HERC2: variants seen among roughly 807,000 people sequenced by gnomAD.
The protein encoded by HERC2 is HECT and RLD domain containing E3 ubiquitin protein ligase 2.
Under a neutral mutation model 537.7 loss-of-function variants are expected in HERC2, and 102 were observed. That is an observed-to-expected ratio of 0.19 (90% CI 0.16 to 0.22). The LOEUF is 0.22. HERC2 is among the 10% of genes least tolerant of loss of function. The pLI, the probability that HERC2 is intolerant of heterozygous loss-of-function variation, is 1.00. For synonymous variants in HERC2, 2,224 were observed against 2,466.2 expected (o/e 0.90, Z 2.91); for missense variants, 4,236 against 6,198.2 (o/e 0.68, Z 10.63).
chr15:28,227,055 A>T lies in HERC2; in HGVS notation c.5464+1163T>A, dbSNP rs536112822. 2.6e-5 allele frequency among the ~76,000 whole-genome samples: 4 copies of T among 152,338 alleles called. No homozygotes were observed. In the East Asian group the frequency reaches 7.7e-4, roughly 29 times the overall value. ...TTTGGGAGGCCAAGGCAGGCAGATCACCTGAGGTCAGGAGTTCCAGACCAG... is the reference window on the plus strand; with the variant it reads ...TTTGGGAGGCCAAGGCAGGCAGATCTCCTGAGGTCAGGAGTTCCAGACCAG... On this transcript the variant is annotated intron_variant, in intron 35 of 92. Coordinates refer to ENST00000261609, the MANE Select transcript of HERC2 (RefSeq NM_004667.6).
intron 37 of HERC2, among the ~76,000 whole-genome samples, chr15:28,219,639 C>T (rs1198376840): frequency 4.6e-5 from 7 of 152,268 alleles, no homozygotes; most frequent in Non-Finnish European, 8.8e-5. Context: ...CCAGACGGTG[C>T]GCTATGGCAT....
rs1185934739 is a variant in HERC2, at chr15:28,166,044, C to CA, written c.10554+1642dup. Among the ~76,000 whole-genome samples the CA allele has an allele frequency of 2.0e-5, 3 of 152,214 alleles. No homozygotes were observed. In the East Asian group the frequency reaches 5.8e-4, roughly 29 times the overall value. ...TTGTGCCAAAAAGTAAGGAAATACT[C>CA]AAAGAATGATGGGAATATGCCAGAA... On this transcript the variant is annotated intron_variant, in intron 68 of 92. Coordinates refer to ENST00000261609, the MANE Select transcript of HERC2 (RefSeq NM_004667.6).
At position 28,111,077 on chromosome 15, in the gene HERC2, T is replaced by C. The variant is rs1887603908; in HGVS notation, c.*686A>G. On this transcript the variant is annotated 3_prime_UTR_variant, in exon 93 of 93. Coordinates refer to ENST00000261609, the MANE Select transcript of HERC2 (RefSeq NM_004667.6). The stretch of plus-strand genomic sequence containing the variant: ...TGTTTTATTTATAGATAATTAAAAT[T>C]TAGGCATATACATGACACAAACATT... 6.6e-6 allele frequency: 1 copy of C among 152,218 alleles called. No individual in the cohort carries two copies. Among genetic ancestry groups the C allele is most frequent in the African/African-American group, 2.4e-5 (1 of 41,446 alleles). The allele number at this position is 152,218 out of a possible 1,614,324, so 9.4% of individuals were successfully genotyped here. A position where few individuals can be genotyped will look rare whatever the true frequency, so the allele number is the denominator to read the frequency against.
At chr15:28,196,932 G>A (rs1295537265) in intron 50 of HERC2, among the ~76,000 whole-genome samples, 1 of 152,210 alleles carries the variant, frequency 6.6e-6, no homozygotes, top group South Asian at 2.1e-4. Context: ...CAATACCTTC[G>A]GTATCTCAGG....
At chr15:28,185,247 C>T (rs182934485) in intron 56 of HERC2, among the ~76,000 whole-genome samples, 154 of 152,130 alleles carry the variant, frequency 1.0e-3, no homozygotes, top group South Asian at 7.5e-3. Context: ...ACGTGCTCAA[C>T]AGCGGCACAG....
At chr15:28,120,880 G>C (rs1888806026) in intron 86 of HERC2, among the ~76,000 whole-genome samples, 1 of 152,182 alleles carries the variant, frequency 6.6e-6, no homozygotes, top group South Asian at 2.1e-4. Context: ...GAGTAAACCA[G>C]GACACACCCC....
At chr15:28,239,185 A>G (rs1281268514) in intron 23 of HERC2, among the ~76,000 whole-genome samples, 1 of 152,240 alleles carries the variant, frequency 6.6e-6, no homozygotes, top group African/African-American at 2.4e-5. Flanking sequence ...AAAAATGACT[A>G]TGAAAATTAG....
At chr15:28,279,085 G>A (rs563744102) in intron 5 of HERC2, among the ~76,000 whole-genome samples, 1 of 152,166 alleles carries the variant, frequency 6.6e-6, no homozygotes, top group African/African-American at 2.4e-5. Context: ...TCCACCTCCC[G>A]GGATCAAGCA....
chr15:28,308,306 T>A (rs1421211013), intron 2 of HERC2, among the ~76,000 whole-genome samples: 3 of 152,244 alleles, frequency 2.0e-5, no homozygotes, highest in Non-Finnish European at 4.4e-5. Context: ...TTTAATTTCA[T>A]GTGTGGCTAC....
At chr15:28,253,551 T>C (rs950166256) in intron 20 of HERC2, among the ~76,000 whole-genome samples, 5 of 152,244 alleles carry the variant, frequency 3.3e-5, no homozygotes, top group Non-Finnish European at 5.9e-5. Context: ...GTCTGCTCTT[T>C]ATTCTAACAT....
intron 2 of HERC2, among the ~76,000 whole-genome samples, chr15:28,313,291 C>T (rs1220852545): frequency 6.6e-6 from 1 of 151,648 alleles, no homozygotes; most frequent in Non-Finnish European, 1.5e-5. Flanking sequence ...CATTCTCCTG[C>T]CTCAGCCTCC....
intron 50 of HERC2, among the ~76,000 whole-genome samples, chr15:28,197,216 C>G (rs374064411): frequency 2.0e-5 from 3 of 152,138 alleles, no homozygotes; most frequent in Non-Finnish European, 2.9e-5. Flanking sequence ...GAAAAGAGAG[C>G]CTTCCACAAG....
chr15:28,246,181 A>T (rs112955425), intron 22 of HERC2, 115 bp from the exon 23 acceptor site: 1 of 663,466 alleles, frequency 1.5e-6, no homozygotes, highest in Non-Finnish European at 2.5e-6. Context: ...TTTGTCCTTT[A>T]GCATATTTCT....
intron 4 of HERC2, 40 bp downstream of exon 4, chr15:28,292,848 C>G: frequency 6.3e-7 from 1 of 1,587,678 alleles, no homozygotes; most frequent in Non-Finnish European, 8.5e-7. Flanking sequence ...AAGGGAGCGT[C>G]AGATCAACCT....
intron 2 of HERC2, among the ~76,000 whole-genome samples, chr15:28,314,503 A>G (rs187141386): frequency 1.1e-3 from 167 of 151,132 alleles, no homozygotes; most frequent in African/African-American, 4.0e-3. Flanking sequence ...TTCCTAAAAA[A>G]AGAAAAACAT....
intron 4 of HERC2, among the ~76,000 whole-genome samples, chr15:28,290,294 A>G (rs2076277505): frequency 1.3e-5 from 2 of 152,156 alleles, no homozygotes; most frequent in Admixed American, 6.5e-5. Context: ...ACAGAGCAGC[A>G]AAACACACTT....
At chr15:28,145,778 G>A (rs887830035) in intron 71 of HERC2, among the ~76,000 whole-genome samples, 9 of 152,256 alleles carry the variant, frequency 5.9e-5, no homozygotes, top group South Asian at 2.1e-4. Context: ...ACCCAAAGAC[G>A]GTCCTGACCT....
intron 39 of HERC2, 80 bp downstream of exon 39, chr15:28,215,541 G>C (rs1302450108): frequency 1.8e-5 from 22 of 1,225,772 alleles, no homozygotes; most frequent in Admixed American, 9.0e-5. Context: ...ACTGAATAAA[G>C]GCCCCTGACT....
At chr15:28,306,599 G>A (rs1347128540) in intron 2 of HERC2, among the ~76,000 whole-genome samples, 1 of 152,168 alleles carries the variant, frequency 6.6e-6, no homozygotes, top group African/African-American at 2.4e-5. Flanking sequence ...AAGTTTGGAT[G>A]TATTCCCTCC....
Sources: allele counts gnomAD v4.1 joint callset (sites outside exome capture counted in the v4.1 genomes callset), GRCh38; gene constraint gnomAD v4.1.1; transcripts MANE v1.5; gene names NCBI Gene and HGNC (gene_info 2026-07-23, HGNC 2026-07-21).